The following TUBGCP3 variants were observed in gnomAD, a reference collection of about 807,000 sequenced individuals.
TUBGCP3 encodes the protein gamma-tubulin complex component 3.
In TUBGCP3, 50 loss-of-function variants were observed where a neutral mutation model predicts 123.1. That is an observed-to-expected ratio of 0.41 (90% confidence interval 0.32 to 0.51). The LOEUF is 0.51. Ranked by LOEUF, TUBGCP3 falls within the 20% of genes least tolerant of loss-of-function variation. The pLI, the probability that TUBGCP3 is intolerant of heterozygous loss-of-function variation, is 0.36. For missense variants in TUBGCP3, 882 were observed against 1,127.0 expected (o/e 0.78, Z 3.11); for synonymous variants, 405 against 413.9 (o/e 0.98, Z 0.26).
At chr13:112,544,344 C>T (rs889807445) in intron 11 of TUBGCP3, among the ~76,000 whole-genome samples, 41 of 150,044 alleles carry the variant, frequency 2.7e-4, no homozygotes, top group Non-Finnish European at 5.2e-4. Flanking sequence ...CCCAAGCTAC[C>T]TGGGAGGCTG....
In TUBGCP3 at chr13:112,545,917, T is replaced by C; in HGVS notation, c.1169-52A>G. 2 of 1,576,976 alleles carry C rather than the reference T, an allele frequency of 1.3e-6. No individual in the cohort carries two copies. Among genetic ancestry groups the C allele is most frequent in the Non-Finnish European group, 1.7e-6 (2 of 1,151,424 alleles). On this transcript the variant is annotated intron_variant, in intron 10 of 21. Transcript: ENST00000261965. The surrounding 1 kb of genome is among the most constrained non-coding windows in gnomAD (Gnocchi z 4.1). ...AAAACATCCACATTTACACTCATAG[T>C]ACACACCAGTCACTTCTCACCAACC...
chr13:112,487,588 T>C (rs371529250), intron 21 of TUBGCP3, among the ~76,000 whole-genome samples: 1 of 152,342 alleles, frequency 6.6e-6, no homozygotes, highest in South Asian at 2.1e-4. Flanking sequence ...GTGAATCATA[T>C]GGATCTAACC....
chr13:112,591,391 A>G (rs548530605), upstream of TUBGCP3, among the ~76,000 whole-genome samples: 25 of 152,318 alleles, frequency 1.6e-4, no homozygotes, highest in South Asian at 4.1e-3. Context: ...CCCTTAATAT[A>G]ATCATCGTCA....
rs367727990 is a variant in TUBGCP3 at position 112,569,006 on chromosome 13, C to T, written c.184+146G>A. 3.5e-5 allele frequency: 24 copies of T among 685,202 alleles called. No individual in the cohort carries two copies. The African/African-American group carries it at 4.1e-4, about 12-fold the overall frequency. 42.4% of individuals were successfully genotyped at this position (685,202 alleles called of 1,614,324 possible). A position where few individuals can be genotyped will look rare whatever the true frequency, so the allele number is the denominator to read the frequency against. Reference sequence around the variant, plus strand: ...TTATGTTCTAATAGTTCTGACTCTACAACAGAATTGACTTGTCCTTATTTT... The same window carrying T: ...TTATGTTCTAATAGTTCTGACTCTATAACAGAATTGACTTGTCCTTATTTT... On this transcript the variant is annotated intron_variant, in intron 2 of 21. Transcript: ENST00000261965.
the TUBGCP3 span, among the ~76,000 whole-genome samples, chr13:112,600,296 C>G: frequency 0.14 from 20,846 of 152,124 alleles, 2,433 homozygotes; most frequent in African/African-American, 0.31. Context: ...CCTGCCTAAA[C>G]TGGAAGCTGT....
At chr13:112,585,129 C>T (rs1439577833) in intron 1 of TUBGCP3, among the ~76,000 whole-genome samples, 2 of 152,042 alleles carry the variant, frequency 1.3e-5, no homozygotes, top group Non-Finnish European at 2.9e-5. Context: ...CCTATTATGC[C>T]TTGATTTCAT....
the TUBGCP3 span, among the ~76,000 whole-genome samples, chr13:112,600,182 GT>G: frequency 6.6e-5 from 10 of 152,132 alleles, no homozygotes; most frequent in African/African-American, 1.9e-4. Context: ...ATCCGTCTCT[GT>G]GTGAGTCTGT....
rs148895306 is a variant in TUBGCP3, at chr13:112,548,156, G to A, written c.987C>T (p.His329=). ...ATCGATAGTATTCTCTGAGTTCCTG[G>A]TGCAAGGCAGCACAAAAGCTCTGTT... is the stretch of plus-strand genomic sequence containing the variant. The part of the protein sequence containing the change: ...LVGQSFCAAL[H]QELREYYRLL... Residue 329 remains histidine, a synonymous_variant, in exon 9 of 22, where the codon CAC becomes CAT. Transcript: ENST00000261965. 1.9e-6 allele frequency: 3 copies of A among 1,603,808 alleles called. No individual in the cohort carries two copies. The highest frequency in any genetic ancestry group is 2.7e-5 in the African/African-American group (2 of 74,812).
upstream of TUBGCP3, among the ~76,000 whole-genome samples, chr13:112,589,078 C>G (rs1001492515): frequency 6.6e-6 from 1 of 152,212 alleles, no homozygotes; most frequent in Non-Finnish European, 1.5e-5. Flanking sequence ...ATGCAACAAC[C>G]ATCACAGCTC....
chr13:112,563,362 T>G (rs985035120), intron 3 of TUBGCP3, among the ~76,000 whole-genome samples: 1 of 152,156 alleles, frequency 6.6e-6, no homozygotes, highest in Non-Finnish European at 1.5e-5. Flanking sequence ...AACCTGAATC[T>G]CCTATTCTAC....
At chr13:112,489,906 T>C (rs1879961378) in intron 20 of TUBGCP3, 1 of 572,358 alleles carries the variant, frequency 1.7e-6, no homozygotes, top group East Asian at 2.8e-5. Context: ...ATATTTCATA[T>C]GAACACATTT....
chr13:112,489,761 C>G (rs183221235), intron 20 of TUBGCP3, 64 bp from the exon 21 acceptor site: 7 of 1,371,974 alleles, frequency 5.1e-6, no homozygotes, highest in African/African-American at 2.8e-5. Flanking sequence ...CAGAGTAGGG[C>G]TGAAAACAGG....
chr13:112,549,150 C>T (rs991545995), intron 8 of TUBGCP3, among the ~76,000 whole-genome samples: 1 of 152,168 alleles, frequency 6.6e-6, no homozygotes, highest in African/African-American at 2.4e-5. Context: ...GAATACTATG[C>T]AGCCATAAAA....
chr13:112,498,271 C>T (rs735991), intron 20 of TUBGCP3, among the ~76,000 whole-genome samples: 23,695 of 152,086 alleles, frequency 0.16, 2,088 homozygotes, highest in Non-Finnish European at 0.2. Flanking sequence ...TGCTTGGGAC[C>T]AGAAGTATTT....
intron 20 of TUBGCP3, 56 bp from the exon 21 acceptor site, chr13:112,489,753 G>C: frequency 4.1e-6 from 6 of 1,446,088 alleles, no homozygotes; most frequent in Non-Finnish European, 4.9e-6. Context: ...ACAGATTACA[G>C]AGTAGGGCTG....
chr13:112,553,419 A>C (rs1879759078), intron 8 of TUBGCP3, among the ~76,000 whole-genome samples: 1 of 152,274 alleles, frequency 6.6e-6, no homozygotes, highest in Non-Finnish European at 1.5e-5. Context: ...ACTGCCCAAT[A>C]ATCAACCTAT....
At chr13:112,506,272 T>C (rs1161297004) in intron 17 of TUBGCP3, among the ~76,000 whole-genome samples, 1 of 152,056 alleles carries the variant, frequency 6.6e-6, no homozygotes, top group Non-Finnish European at 1.5e-5. Flanking sequence ...AGGGCCCTCG[T>C]CCACATCCAT....
At position 112,545,068 on chromosome 13, in the gene TUBGCP3, A is replaced by C. The variant is rs1184933728; in HGVS notation, c.1335+631T>G. The C allele has an allele frequency of 6.6e-6, 1 of 152,456 alleles. No individual in the cohort carries two copies. Among genetic ancestry groups the C allele is most frequent in the Non-Finnish European group, 1.5e-5 (1 of 68,172 alleles). 9.4% of individuals were successfully genotyped at this position (152,456 alleles called of 1,614,324 possible). ...CACAAGAAAGCGCCAGGGTTTTTCC[A>C]AGGCCAATGTGATATTTATGGCAGT... On this transcript the variant is annotated intron_variant, in intron 11 of 21. Transcript: ENST00000261965. The surrounding 1 kb of genome is among the most constrained non-coding windows in gnomAD (Gnocchi z 4.1).
chr13:112,489,428 G>A (rs1378484521), intron 21 of TUBGCP3, among the ~76,000 whole-genome samples, 153 bp downstream of exon 21: 1 of 152,262 alleles, frequency 6.6e-6, no homozygotes, highest in Non-Finnish European at 1.5e-5. Flanking sequence ...TCCCCCAGAG[G>A]GTCACAGGGT....
Sources: allele counts gnomAD v4.1 joint callset (sites outside exome capture counted in the v4.1 genomes callset), GRCh38; gene constraint gnomAD v4.1.1; non-coding constraint Gnocchi (gnomAD v3.1); transcripts MANE v1.5; gene names NCBI Gene and HGNC (gene_info 2026-07-23, HGNC 2026-07-21).